CDH6: variants seen among roughly 807,000 people sequenced by gnomAD.
CDH6 encodes cadherin-6.
CDH6 carries 31 observed loss-of-function variants against 78.0 expected under a neutral mutation model. The ratio of observed to expected loss-of-function variants is 0.40; its 90% CI spans 0.30 to 0.54. CDH6 has a LOEUF of 0.54. Ranked by LOEUF, CDH6 falls within the 20% of genes least tolerant of loss-of-function variation. The probability of loss-of-function intolerance (pLI) is 0.56; values close to 1 mark genes in which losing one functional copy is unlikely to be tolerated. For synonymous variants in CDH6, 376 were observed against 368.8 expected (o/e 1.02, Z -0.23); for missense variants, 724 against 975.9 (o/e 0.74, Z 3.44).
chr5:31,257,571 T>C lies in CDH6; in HGVS notation c.-128-9775T>C, dbSNP rs1177411784. Among the ~76,000 whole-genome samples the C allele has an allele frequency of 2.0e-5, 3 of 152,314 alleles. No individual in the cohort carries two copies. The East Asian group carries it at 5.8e-4, about 29-fold the overall frequency. On this transcript the variant is annotated intron_variant, in intron 1 of 11. Coordinates refer to ENST00000265071, the MANE Select transcript of CDH6 (RefSeq NM_004932.4). ...TATACATTTGCTTATTTTACAAATG[T>C]TTATCTGGTGTTACTATGTGCCAGG...
chr5:31,318,165 T>C lies in CDH6; in HGVS notation c.1882+241T>C, dbSNP rs1270139016. 1.3e-4 allele frequency: 81 copies of C among 605,238 alleles called. No homozygotes were observed. In the East Asian group the frequency reaches 1.9e-3, roughly 14 times the overall value. The allele number at this position is 605,238 out of a possible 1,614,324, so 37.5% of individuals were successfully genotyped here. On this transcript the variant is annotated intron_variant, in intron 11 of 11. Coordinates refer to ENST00000265071, the MANE Select transcript of CDH6 (RefSeq NM_004932.4). ...GCTTGCCCAGGAAGCAAAGAATCTC[T>C]TGTCTATCAGACTGGGAATGAATCT...
chr5:31,317,614 T>C, intron 10 of CDH6, 59 bp from the exon 11 acceptor site: 1 of 1,576,528 alleles, frequency 6.3e-7, no homozygotes, highest in Non-Finnish European at 8.6e-7. Flanking sequence ...CTTATCACAG[T>C]TGATTTAATA....
rs940746456 is a variant in CDH6 at position 31,317,355 on chromosome 5, C to G, written c.1513-20C>G. ...TTGAGTTATCAAAATTTTATGGCAGCGTTTTGGTTTTTCTCTTAGTTGATT... is the reference window on the plus strand; with the variant it reads ...TTGAGTTATCAAAATTTTATGGCAGGGTTTTGGTTTTTCTCTTAGTTGATT... On this transcript the variant is annotated intron_variant, in intron 9 of 11. Transcript: ENST00000265071. 2 of 1,169,342 alleles carry G rather than the reference C, an allele frequency of 1.7e-6. No homozygotes were observed. Among genetic ancestry groups the G allele is most frequent in the Non-Finnish European group, 2.5e-6 (2 of 798,690 alleles). The allele number at this position is 1,169,342 out of a possible 1,614,324, so 72.4% of individuals were successfully genotyped here.
intron 8 of CDH6, 62 bp downstream of exon 8, chr5:31,313,516 T>A: frequency 6.8e-7 from 1 of 1,479,226 alleles, no homozygotes; most frequent in Non-Finnish European, 9.3e-7. Context: ...CAGCAAGGGC[T>A]GGTGGAGCGT....
chr5:31,270,377 G>T (rs1427670976), intron 2 of CDH6, among the ~76,000 whole-genome samples: 1 of 152,138 alleles, frequency 6.6e-6, no homozygotes, highest in Non-Finnish European at 1.5e-5. Context: ...AATAATACAC[G>T]TAAATTGACA....
rs138211232 is a variant in CDH6 at position 31,242,254 on chromosome 5, A to G, written c.-128-25092A>G. Among the ~76,000 whole-genome samples the G allele has an allele frequency of 2.7e-3, 409 of 152,316 alleles. 5 individuals carry two copies. Among genetic ancestry groups the G allele is most frequent in the African/African-American group, 9.7e-3 (402 of 41,578 alleles). On this transcript the variant is annotated intron_variant, in intron 1 of 11. Transcript: ENST00000265071. Reference sequence around the variant, plus strand: ...AGATTTACATGTAATAATGAGAACTACCATTCTAACTATAAATTCAGTTTA... The same window carrying G: ...AGATTTACATGTAATAATGAGAACTGCCATTCTAACTATAAATTCAGTTTA...
intron 2 of CDH6, among the ~76,000 whole-genome samples, chr5:31,288,955 T>C (rs548924099): frequency 6.1e-4 from 93 of 152,278 alleles, no homozygotes; most frequent in African/African-American, 2.1e-3. Context: ...ATTGTTTTTG[T>C]TGGGGGGAGA....
chr5:31,280,122 A>G (rs1476158656), intron 2 of CDH6, among the ~76,000 whole-genome samples: 4 of 152,186 alleles, frequency 2.6e-5, no homozygotes, highest in Non-Finnish European at 4.4e-5. Context: ...CAAACCAGCA[A>G]TTAACACCTG....
At chr5:31,202,435 G>A (rs1740379026) in intron 1 of CDH6, among the ~76,000 whole-genome samples, 1 of 152,086 alleles carries the variant, frequency 6.6e-6, no homozygotes, top group Admixed American at 6.6e-5. Flanking sequence ...AGGAGTTTGA[G>A]ACCAGCCTGA....
Position 31,323,301 on chromosome 5 carries a change from A to C in CDH6, c.2366A>C (p.Asp789Ala). 1 of 1,598,434 alleles carries C rather than the reference A, an allele frequency of 6.3e-7. No homozygotes were observed. Residue 789 changes from aspartate (D) to alanine (A), a missense_variant, in exon 12 of 12, where the codon GAC becomes GCC. This residue lies in a region of CDH6 where 220 missense variants were observed against 240.6 expected (regional missense o/e 0.91). Coordinates refer to ENST00000265071, the MANE Select transcript of CDH6 (RefSeq NM_004932.4). ...DMYGGVDSDKDS is the reference protein window; with the variant it reads ...DMYGGVDSDKAS ...TATGGAGGAGTGGACAGTGACAAAG[A>C]CTCCTAATCTGTTGCCTTTTTCATT...
Position 31,302,264 on chromosome 5 carries a change from A to C in CDH6, c.965A>C (p.Gln322Pro), listed in dbSNP as rs1012908289. The change falls in exon 6 of 12, where the codon CAG (glutamine) becomes CCG (proline). Residue 322 changes from glutamine to proline, a missense_variant. Gln to Pro is a moderately conservative substitution (Grantham distance 76). Coordinates refer to ENST00000265071, the MANE Select transcript of CDH6 (RefSeq NM_004932.4). ...GATATGTTTGATGTCATCACCGACC[A>C]GGAAACCCAGGAAGGGATTATAACT... ...GLDMFDVITD[Q>P]ETQEGIITVK... is the part of the protein sequence containing the mutation. 1.9e-6 allele frequency: 3 copies of C among 1,613,608 alleles called. No homozygotes were observed. In the African/African-American group the frequency reaches 4.0e-5, roughly 22 times the overall value.
Position 31,256,674 on chromosome 5 carries a change from A to G in CDH6, c.-128-10672A>G, listed in dbSNP as rs11748608. Among the ~76,000 whole-genome samples, 416 of 152,300 alleles carry G rather than the reference A, an allele frequency of 2.7e-3. 2 individuals carry two copies. The highest frequency in any genetic ancestry group is 4.5e-3 in the Non-Finnish European group (305 of 68,032). On this transcript the variant is annotated intron_variant, in intron 1 of 11. Transcript: ENST00000265071. ...AGTTTGGAAGAAAAAGGAAGATGCT[A>G]TTTATCAGGTGCCTCCCCTGAGACC...
Position 31,230,714 on chromosome 5 carries a change from C to T in CDH6, c.-128-36632C>T, listed in dbSNP as rs185816860. Among the ~76,000 whole-genome samples the T allele has an allele frequency of 1.2e-4, 18 of 152,134 alleles. No individual in the cohort carries two copies. In the East Asian group the frequency reaches 3.3e-3, roughly 28 times the overall value. ...TCTGCAGAATAATCTTGATTGTGTC[C>T]TCAAGTAGAACAACAAATCCATTGA... On this transcript the variant is annotated intron_variant, in intron 1 of 11. Transcript: ENST00000265071.
chr5:31,316,488 G>A (rs1273164537), intron 9 of CDH6, among the ~76,000 whole-genome samples, 159 bp downstream of exon 9: 2 of 152,220 alleles, frequency 1.3e-5, no homozygotes, highest in Non-Finnish European at 2.9e-5. Flanking sequence ...ACTTACATAT[G>A]AGAACTAACA....
intron 1 of CDH6, among the ~76,000 whole-genome samples, chr5:31,245,879 T>C (rs917661053): frequency 4.6e-5 from 7 of 151,344 alleles, no homozygotes; most frequent in African/African-American, 1.7e-4. Context: ...ATCTTAACAT[T>C]TTCTTTTCTC....
At chr5:31,225,425 C>T (rs1220255213) in intron 1 of CDH6, among the ~76,000 whole-genome samples, 1 of 151,980 alleles carries the variant, frequency 6.6e-6, no homozygotes, top group African/African-American at 2.4e-5. Context: ...TCCCGCATTG[C>T]GATAAAGAAC....
intron 1 of CDH6, among the ~76,000 whole-genome samples, chr5:31,215,221 A>T (rs1740830346): frequency 1.3e-5 from 2 of 152,176 alleles, no homozygotes; most frequent in Admixed American, 6.6e-5. Flanking sequence ...AAACCGCTGT[A>T]GGTATGAATA....
chr5:31,311,710 A>C (rs1738161436), intron 7 of CDH6, among the ~76,000 whole-genome samples: 1 of 152,208 alleles, frequency 6.6e-6, no homozygotes, highest in Non-Finnish European at 1.5e-5. Context: ...GGCGAAATGT[A>C]AAGGGGAAGC....
chr5:31,307,495 G>C (rs1045784616), intron 7 of CDH6, among the ~76,000 whole-genome samples: 9 of 152,152 alleles, frequency 5.9e-5, no homozygotes, highest in African/African-American at 2.2e-4. Context: ...ATTGGGCTGT[G>C]GTCAGCCATG....
Sources: gnomAD v4.1 joint callset for allele counts (sites outside exome capture counted in the v4.1 genomes callset) on GRCh38, gnomAD v4.1.1 for gene constraint, gnomAD v4.1.1 regional missense constraint, MANE v1.5 for transcripts, NCBI Gene and HGNC (gene_info 2026-07-23, HGNC 2026-07-21) for gene names.